Variants in TCEAL4 observed in about 807,000 individuals in gnomAD.
The protein encoded by TCEAL4 is transcription elongation factor A like 4, also known as transcription elongation factor A protein-like 4.
A neutral mutation model predicts 1.3 loss-of-function variants in TCEAL4; 1 was observed. That is an observed-to-expected ratio of 0.79 (90% CI 0.28 to 3.76). The LOEUF is 3.76. Among genes scored for constraint, TCEAL4 ranks in the 30% most tolerant of loss-of-function variants. TCEAL4 has a pLI of 0.18. For missense variants in TCEAL4, 129 were observed against 154.7 expected, an observed-to-expected ratio of 0.83 and a Z score of 0.88; for synonymous variants, 54 against 50.7, an observed-to-expected ratio of 1.06 and a Z score of -0.28.
chrX:103,586,683 A>G lies in TCEAL4; in HGVS notation c.8A>G (p.Lys3Arg), dbSNP rs1460435873. 6 of 1,208,328 alleles carry G rather than the reference A, an allele frequency of 5.0e-6. No homozygotes were observed. In the African/African-American group the frequency reaches 1.1e-4, roughly 21 times the overall value. ...AGGAGGGGAAATCTCGACATGGAAAAACTCTACAGTGAAAATGAAGGAATG... is the reference window on the plus strand; with the variant it reads ...AGGAGGGGAAATCTCGACATGGAAAGACTCTACAGTGAAAATGAAGGAATG... The part of the protein sequence containing the change: ME[K>R]LYSENEGMAS... Residue 3 changes from lysine (K) to arginine (R), a missense_variant, in exon 3 of 3, where the codon AAA becomes AGA. By Grantham distance (26) the Lys-to-Arg change is conservative. Around this residue, in one of 2 missense-constraint regions of TCEAL4, gnomAD observed 116 missense variants for 120.3 expected, o/e 0.96. Coordinates refer to ENST00000472484, the MANE Select transcript of TCEAL4 (RefSeq NM_001006935.3).
chrX:103,586,322 G>A, intron 2 of TCEAL4, 31 bp downstream of exon 2: 1 of 1,163,249 alleles, frequency 8.6e-7, no homozygotes, highest in Non-Finnish European at 1.1e-6. Flanking sequence ...GCATGGACAG[G>A]GGCCCACAAG....
At chrX:103,580,797 T>C (rs1035794587), upstream of TCEAL4, among the ~76,000 whole-genome samples, 4 of 111,055 alleles carry the variant, frequency 3.6e-5, no homozygotes, top group African/African-American at 1.3e-4. Context: ...TAGAAAGATA[T>C]CAAGTTAACA....
intron 2 of TCEAL4, among the ~76,000 whole-genome samples, chrX:103,577,650 T>C (rs922603674): frequency 2.7e-5 from 3 of 111,706 alleles, no homozygotes; most frequent in African/African-American, 9.7e-5. Context: ...ATCCATTAAT[T>C]CAAGTTCTTA....
In TCEAL4 at chrX:103,585,528, T is replaced by G. The variant is rs2073532125; in HGVS notation, c.-197T>G. 8.7e-7 allele frequency: 1 copy of G among 1,151,690 alleles called. No individual in the cohort carries two copies. The highest frequency in any genetic ancestry group is 2.6e-5 in the Admixed American group (1 of 38,044). The allele number at this position is 1,151,690 out of a possible 1,213,427, so 94.9% of individuals were successfully genotyped here. A position where few individuals can be genotyped will look rare whatever the true frequency, so the allele number is the denominator to read the frequency against. ...TTCACGTGATCTGCACGGGCGCAGA[T>G]GTAGGCACCGGTCCGAGTGCCTGCC... On this transcript the variant is annotated 5_prime_UTR_variant, in exon 1 of 3. The change abolishes an upstream ATG in the 5' untranslated region. Transcript: ENST00000472484.
chrX:103,578,291 T>C (rs2073493084), intron 2 of TCEAL4, among the ~76,000 whole-genome samples: 1 of 112,275 alleles, frequency 8.9e-6, no homozygotes, highest in Non-Finnish European at 1.9e-5. Flanking sequence ...TAATGAATAA[T>C]GCTGCCAGGA....
Position 103,587,067 on chromosome X carries a change from A to G in TCEAL4, c.392A>G (p.Asn131Ser), listed in dbSNP as rs774690181. The G allele has an allele frequency of 3.3e-6, 4 of 1,211,751 alleles. No individual in the cohort carries two copies. The highest frequency in any genetic ancestry group is 4.5e-6 in the Non-Finnish European group (4 of 895,520). The change falls in exon 3 of 3, where the codon AAT (asparagine) becomes AGT (serine). Residue 131 changes from asparagine to serine, a missense_variant. Around this residue, in one of 2 missense-constraint regions of TCEAL4, gnomAD observed 116 missense variants for 120.3 expected, o/e 0.96. Transcript: ENST00000472484. ...CCCAGGAAAGCCAAAAGAAAAACTA[A>G]TAAGGGGCTGGCTCATTACCTCAAG... ...DVPRKAKRKTNKGLAHYLKEY... is the reference protein window; with the variant it reads ...DVPRKAKRKTSKGLAHYLKEY...
chrX:103,576,540 G>T, intron 1 of TCEAL4: 2 of 1,005,887 alleles, frequency 2.0e-6, no homozygotes, highest in Non-Finnish European at 1.4e-6. Context: ...AGGGTGAGTA[G>T]ATCACCTGAG....
intron 2 of TCEAL4, among the ~76,000 whole-genome samples, chrX:103,578,669 T>C (rs1830214235): frequency 8.9e-6 from 1 of 112,044 alleles, no homozygotes; most frequent in Admixed American, 9.5e-5. Context: ...TCAGATCCTT[T>C]GCCCATTTTA....
At chrX:103,577,857 C>T (rs1166206003) in intron 2 of TCEAL4, among the ~76,000 whole-genome samples, 2 of 111,487 alleles carry the variant, frequency 1.8e-5, no homozygotes, top group East Asian at 5.6e-4. Flanking sequence ...CCATATAATT[C>T]GCCTATTTAG....
chrX:103,580,024 C>A (rs1349205780), intron 2 of TCEAL4, among the ~76,000 whole-genome samples: 2 of 111,536 alleles, frequency 1.8e-5, no homozygotes, highest in Non-Finnish European at 3.8e-5. Flanking sequence ...ATTCTGCTTC[C>A]TTGAAGTGTG....
At position 103,576,647 on chromosome X, in the gene TCEAL4, C is replaced by T. The variant is rs981340587; in HGVS notation, c.63+115C>T. ...GGTGTGGTGGCATGCCCCTATAATCCCAGCTACTCAGGAGGCTGAAGCAGG... is the reference window on the plus strand; with the variant it reads ...GGTGTGGTGGCATGCCCCTATAATCTCAGCTACTCAGGAGGCTGAAGCAGG... On this transcript the variant is annotated intron_variant, in intron 1 of 4. Transcript: ENST00000372629. The T allele has an allele frequency of 1.8e-4, 84 of 456,028 alleles. No homozygotes were observed. In the East Asian group the frequency reaches 3.2e-3, roughly 17 times the overall value. The allele number at this position is 456,028 out of a possible 1,213,427, so 37.6% of individuals were successfully genotyped here. A position where few individuals can be genotyped will look rare whatever the true frequency, so the allele number is the denominator to read the frequency against.
rs894215441 is a variant in TCEAL4, at chrX:103,585,568, C to T, written c.-157C>T. The stretch of plus-strand genomic sequence containing the variant: ...GAGTGCCTGCCCTCTGTCCCCGCGG[C>T]TGGGTCTCGTCTGCTCCGGTTCCTG... On this transcript the variant is annotated 5_prime_UTR_variant, in exon 1 of 3. Coordinates refer to ENST00000472484, the MANE Select transcript of TCEAL4 (RefSeq NM_001006935.3). 3.8e-5 allele frequency: 44 copies of T among 1,160,849 alleles called. No individual in the cohort carries two copies. The highest frequency in any genetic ancestry group is 4.8e-5 in the Non-Finnish European group (42 of 870,482).
At position 103,586,303 on chromosome X, in the gene TCEAL4, T is replaced by A. The variant is rs767004493; in HGVS notation, c.-28+12T>A. 8.6e-7 allele frequency: 1 copy of A among 1,164,884 alleles called. No individual in the cohort carries two copies. The highest frequency in any genetic ancestry group is 2.6e-5 in the Admixed American group (1 of 38,673). ...CAGAATCCCCGCAGGTCCGTGAAAGTACGGGGCTGCATGGACAGGGGCCCA... is the reference window on the plus strand; with the variant it reads ...CAGAATCCCCGCAGGTCCGTGAAAGAACGGGGCTGCATGGACAGGGGCCCA... On this transcript the variant is annotated intron_variant, in intron 2 of 2. Transcript: ENST00000472484.
At chrX:103,578,840 A>C (rs1046019717) in intron 2 of TCEAL4, among the ~76,000 whole-genome samples, 1 of 111,780 alleles carries the variant, frequency 8.9e-6, no homozygotes, top group Non-Finnish European at 1.9e-5. Context: ...GTGCATTTTG[A>C]TGGAGCCTCA....
chrX:103,580,161 G>A (rs997202127), intron 2 of TCEAL4, among the ~76,000 whole-genome samples: 6 of 111,682 alleles, frequency 5.4e-5, no homozygotes, highest in East Asian at 5.6e-4. Flanking sequence ...TTTGTGTCCC[G>A]CCACACATAA....
chrX:103,586,200 G>C lies in TCEAL4; in HGVS notation c.-100-19G>C. Reference sequence around the variant, plus strand: ...CGCTGAGCGCGCAGACCCTGCCCCTGTCTCCTGTCTGTCTGCAGGTCTGCG... The same window carrying C: ...CGCTGAGCGCGCAGACCCTGCCCCTCTCTCCTGTCTGTCTGCAGGTCTGCG... On this transcript the variant is annotated intron_variant, in intron 1 of 2. Coordinates refer to ENST00000472484, the MANE Select transcript of TCEAL4 (RefSeq NM_001006935.3). The C allele has an allele frequency of 8.6e-7, 1 of 1,165,821 alleles. No individual in the cohort carries two copies. Among genetic ancestry groups the C allele is most frequent in the Non-Finnish European group, 1.1e-6 (1 of 872,851 alleles).
rs1429268659 is a variant in TCEAL4, at chrX:103,587,254, A to G, written c.579A>G (p.Arg193=). The change falls in exon 3 of 3, where the codon AGA becomes AGG. Residue 193 remains arginine (R), a synonymous_variant. Transcript: ENST00000472484. ...QRNLQDPFYP[R]GPREFRGGCR... ...ATTTACAGGACCCCTTCTACCCTAG[A>G]GGTCCAAGGGAATTCAGGGGTGGCT... The G allele has an allele frequency of 2.2e-5, 26 of 1,204,504 alleles. No individual in the cohort carries two copies. The highest frequency in any genetic ancestry group is 2.7e-5 in the Non-Finnish European group (24 of 893,254).
chrX:103,582,015 GCTT>G (rs1336493419), upstream of TCEAL4, among the ~76,000 whole-genome samples: 1 of 112,208 alleles, frequency 8.9e-6, no homozygotes, highest in Non-Finnish European at 1.9e-5. Flanking sequence ...AAGCCCAAAA[GCTT>G]CTTAAGCTGA....
At position 103,586,339 on chromosome X, in the gene TCEAL4, G is replaced by C; in HGVS notation, c.-28+48G>C. On this transcript the variant is annotated intron_variant, in intron 2 of 2. Coordinates refer to ENST00000472484, the MANE Select transcript of TCEAL4 (RefSeq NM_001006935.3). ...ATGGACAGGGGCCCACAAGGGTTGA[G>C]AGTGTGGAGGGCCCGGCCAGGGCCG... is the stretch of plus-strand genomic sequence containing the variant. 3.5e-6 allele frequency: 4 copies of C among 1,153,286 alleles called. No homozygotes were observed. In the South Asian group the frequency reaches 7.7e-5, roughly 22 times the overall value.
Sources: allele counts gnomAD v4.1 joint callset (sites outside exome capture counted in the v4.1 genomes callset), GRCh38; gene constraint gnomAD v4.1.1; regional missense constraint gnomAD v4.1.1; transcripts MANE v1.5; gene names NCBI Gene and HGNC (gene_info 2026-07-23, HGNC 2026-07-21).